Variants in CSMD1 observed in about 807,000 individuals in gnomAD.
The protein encoded by CSMD1 is CUB and sushi domain-containing protein 1.
CSMD1 carries 213 observed loss-of-function variants against 417.5 expected under a neutral mutation model. The observed-to-expected ratio is 0.51, with a 90% CI of 0.46 to 0.57. The LOEUF is 0.57. Ranked by LOEUF, CSMD1 falls within the 20% of genes least tolerant of loss-of-function variation. The pLI is 0.00. For synonymous variants in CSMD1, 2,862 were observed against 1,736.8 expected (o/e 1.65, Z -16.11); for missense variants, 6,923 against 4,529.7 (o/e 1.53, Z -15.17).
intron 5 of CSMD1, among the ~76,000 whole-genome samples, chr8:3,844,905 C>A (rs556596756): frequency 4.4e-5 from 6 of 134,836 alleles, no homozygotes; most frequent in Non-Finnish European, 7.5e-5. Flanking sequence ...CAATATTTGT[C>A]TGTGCATTTA....
At chr8:3,259,254 A>G (rs1043754442) in intron 26 of CSMD1, among the ~76,000 whole-genome samples, 40 of 152,230 alleles carry the variant, frequency 2.6e-4, no homozygotes, top group African/African-American at 9.2e-4. Flanking sequence ...CTGATTACAG[A>G]ATGGAAGACG....
chr8:3,681,156 C>T (rs1399572341), intron 7 of CSMD1, among the ~76,000 whole-genome samples: 1 of 152,138 alleles, frequency 6.6e-6, no homozygotes, highest in Non-Finnish European at 1.5e-5. Context: ...TTTCACCACT[C>T]CTATTCAACA....
chr8:4,144,300 C>A (rs1265520804), intron 3 of CSMD1, among the ~76,000 whole-genome samples: 2 of 151,014 alleles, frequency 1.3e-5, no homozygotes, highest in African/African-American at 2.5e-5. Context: ...AAACAGGATA[C>A]CCCACTTAAA....
At chr8:4,260,094 G>GAAATTGCTAGACTCTTCAAC (rs1803764024) in intron 3 of CSMD1, among the ~76,000 whole-genome samples, 1 of 151,764 alleles carries the variant, frequency 6.6e-6, no homozygotes, top group South Asian at 2.1e-4. Context: ...CATTTTACTA[G>GAAATTGCTAGACTCTTCAAC]AAATTGCTAG....
chr8:3,487,026 A>G (rs1303963085), intron 11 of CSMD1, among the ~76,000 whole-genome samples: 1 of 152,140 alleles, frequency 6.6e-6, no homozygotes, highest in East Asian at 1.9e-4. Context: ...TCACACACAG[A>G]AGGTGACACA....
intron 23 of CSMD1, among the ~76,000 whole-genome samples, chr8:3,337,502 A>C (rs1283054825): frequency 6.6e-6 from 1 of 152,118 alleles, no homozygotes; most frequent in Non-Finnish European, 1.5e-5. Flanking sequence ...AGTCTTGCCT[A>C]AACAATGAGA....
intron 9 of CSMD1, among the ~76,000 whole-genome samples, chr8:3,576,528 G>T (rs996527388): frequency 6.6e-6 from 1 of 152,082 alleles, no homozygotes; most frequent in Non-Finnish European, 1.5e-5. Context: ...ACTTACTATG[G>T]AAATAATTAG....
At chr8:4,414,978 A>C (rs961241324) in intron 3 of CSMD1, among the ~76,000 whole-genome samples, 1 of 152,182 alleles carries the variant, frequency 6.6e-6, no homozygotes, top group Non-Finnish European at 1.5e-5. Flanking sequence ...ACTATCACTT[A>C]AAAGCCAAAA....
At chr8:4,867,089 G>T (rs1447964973) in intron 1 of CSMD1, among the ~76,000 whole-genome samples, 2 of 151,906 alleles carry the variant, frequency 1.3e-5, no homozygotes, top group Non-Finnish European at 1.5e-5. Flanking sequence ...TAGAATTTAA[G>T]AAAATAAAGT....
At chr8:3,132,685 C>T (rs1446430971) in intron 41 of CSMD1, among the ~76,000 whole-genome samples, 1 of 152,196 alleles carries the variant, frequency 6.6e-6, no homozygotes, top group African/African-American at 2.4e-5. Flanking sequence ...ATCAAGAGGG[C>T]AGTTGCTTTA....
At chr8:3,804,333 T>G (rs148452276) in intron 5 of CSMD1, among the ~76,000 whole-genome samples, 4 of 152,298 alleles carry the variant, frequency 2.6e-5, no homozygotes, top group African/African-American at 9.6e-5. Context: ...GAAACTCTAA[T>G]GCGTCTTAAA....
At chr8:3,574,121 T>C (rs1800050385) in intron 10 of CSMD1, among the ~76,000 whole-genome samples, 1 of 152,188 alleles carries the variant, frequency 6.6e-6, no homozygotes, top group Non-Finnish European at 1.5e-5. Context: ...AGGAAATATA[T>C]ATTTTACACA....
chr8:3,813,689 C>A (rs902975440), intron 5 of CSMD1, among the ~76,000 whole-genome samples: 19 of 152,118 alleles, frequency 1.2e-4, no homozygotes, highest in African/African-American at 4.6e-4. Context: ...CCTGTACTTT[C>A]CAATATTCAA....
intron 41 of CSMD1, among the ~76,000 whole-genome samples, chr8:3,137,222 T>C (rs1265212208): frequency 6.6e-6 from 1 of 152,226 alleles, no homozygotes; most frequent in Non-Finnish European, 1.5e-5. Context: ...TACAATTTTT[T>C]ATCCTTTAAA....
At chr8:3,720,620 TACACACACACACACACACACACAC>T (rs1554520854) in intron 6 of CSMD1, among the ~76,000 whole-genome samples, 1 of 143,322 alleles carries the variant, frequency 7.0e-6, no homozygotes, top group African/African-American at 2.6e-5. Context: ...TCTTTATTCT[TACACACACACACACACACACACAC>T]ACACACACAC....
intron 5 of CSMD1, among the ~76,000 whole-genome samples, chr8:3,940,740 C>T (rs1247045045): frequency 1.3e-5 from 2 of 151,542 alleles, no homozygotes; most frequent in Non-Finnish European, 2.9e-5. Flanking sequence ...TTTAAAGTAG[C>T]TTATTTTTCA....
At position 3,287,294 on chromosome 8, in the gene CSMD1, T is replaced by C. The variant is rs1299241597; in HGVS notation, c.3951-2948A>G. On this transcript the variant is annotated intron_variant, in intron 25 of 69. Transcript: ENST00000635120. ...TGACTTGGTGATTCGGGCTCTTTTT[T>C]GGTTCCATATGAACTTTAAAGTAGT... Among the ~76,000 whole-genome samples, 6 of 152,114 alleles carry C rather than the reference T, an allele frequency of 3.9e-5. No homozygotes were observed. In the Middle Eastern group the frequency reaches 0.01, roughly 259 times the overall value.
chr8:4,576,901 G>A (rs1304105495), intron 2 of CSMD1, among the ~76,000 whole-genome samples: 1 of 152,018 alleles, frequency 6.6e-6, no homozygotes, highest in African/African-American at 2.4e-5. Flanking sequence ...AATTTTTCCA[G>A]GAATTAATAG....
chr8:3,822,783 G>A (rs905053195), intron 5 of CSMD1, among the ~76,000 whole-genome samples: 1 of 152,170 alleles, frequency 6.6e-6, no homozygotes, highest in Non-Finnish European at 1.5e-5. Flanking sequence ...AGAGAGGATG[G>A]ATAGTTGATT....
Sources: gnomAD v4.1 joint callset for allele counts (sites outside exome capture counted in the v4.1 genomes callset) on GRCh38, gnomAD v4.1.1 for gene constraint, MANE v1.5 for transcripts, NCBI Gene and HGNC (gene_info 2026-07-23, HGNC 2026-07-21) for gene names.